Variants in LRRC49 observed in about 807,000 individuals in gnomAD.
The protein encoded by LRRC49 is leucine-rich repeat-containing protein 49.
A neutral mutation model predicts 83.3 loss-of-function variants in LRRC49; 50 were observed. The observed-to-expected ratio is 0.60, with a 90% CI of 0.48 to 0.76. The LOEUF (loss-of-function observed/expected upper bound fraction) is 0.76, where lower values mean the gene tolerates loss of function less well. LRRC49 is among the 30% of genes least tolerant of loss of function. The probability of loss-of-function intolerance (pLI) is 0.00; values close to 1 mark genes in which losing one functional copy is unlikely to be tolerated. For synonymous variants in LRRC49, 286 were observed against 283.3 expected, an observed-to-expected ratio of 1.01 and a Z score of -0.10; for missense variants, 704 against 809.1, an observed-to-expected ratio of 0.87 and a Z score of 1.58.
chr15:70,884,049 G>C (rs892272890), intron 2 of LRRC49, among the ~76,000 whole-genome samples: 17 of 152,196 alleles, frequency 1.1e-4, no homozygotes, highest in African/African-American at 4.1e-4. Context: ...AGGGTACCTA[G>C]AGATTATGTG....
At chr15:70,887,355 C>T (rs1294412025) in intron 2 of LRRC49, among the ~76,000 whole-genome samples, 2 of 152,052 alleles carry the variant, frequency 1.3e-5, no homozygotes, top group Non-Finnish European at 2.9e-5. Context: ...CACACAGATA[C>T]AAAAATCCTA....
Position 70,941,342 on chromosome 15 carries a change from CA to C in LRRC49, c.773+4522del, listed in dbSNP as rs1355384217. Among the ~76,000 whole-genome samples, 4 of 151,954 alleles carry C rather than the reference CA, an allele frequency of 2.6e-5. No homozygotes were observed. In the East Asian group the frequency reaches 7.7e-4, roughly 29 times the overall value. ...TGGTTTTTCATTGTATATCTTATTTCAATACTACTTTATTAAAGTGCTGTTT... is the reference window on the plus strand; with the variant it reads ...TGGTTTTTCATTGTATATCTTATTTCATACTACTTTATTAAAGTGCTGTTT... On this transcript the variant is annotated intron_variant, in intron 8 of 15. Coordinates refer to ENST00000260382, the MANE Select transcript of LRRC49 (RefSeq NM_017691.5).
At chr15:70,923,267 T>C (rs2035072824) in intron 7 of LRRC49, among the ~76,000 whole-genome samples, 1 of 152,016 alleles carries the variant, frequency 6.6e-6, no homozygotes, top group African/African-American at 2.4e-5. Flanking sequence ...GTGTAATTGG[T>C]ACTTTAACGT....
Position 70,900,517 on chromosome 15 carries a change from C to G in LRRC49, c.194-405C>G, listed in dbSNP as rs750573847. 12 of 456,896 alleles carry G rather than the reference C, an allele frequency of 2.6e-5. 1 individual carries two copies. Among genetic ancestry groups the G allele is most frequent in the South Asian group, 1.9e-4 (12 of 64,550 alleles). 28.3% of individuals were successfully genotyped at this position (456,896 alleles called of 1,614,324 possible). A position where few individuals can be genotyped will look rare whatever the true frequency, so the allele number is the denominator to read the frequency against. Reference sequence around the variant, plus strand: ...TCCTTATCAGCATTTGGAGATTCTTCCATTAAGACACCTTCAAAATCCAGA... The same window carrying G: ...TCCTTATCAGCATTTGGAGATTCTTGCATTAAGACACCTTCAAAATCCAGA... On this transcript the variant is annotated intron_variant, in intron 3 of 15. Coordinates refer to ENST00000260382, the MANE Select transcript of LRRC49 (RefSeq NM_017691.5).
intron 7 of LRRC49, among the ~76,000 whole-genome samples, chr15:70,925,505 A>G (rs915386002): frequency 6.6e-6 from 1 of 152,130 alleles, no homozygotes; most frequent in African/African-American, 2.4e-5. Flanking sequence ...GTGTCAAGCA[A>G]TGCAACTGAA....
chr15:70,991,255 GA>G (rs2037869046), intron 11 of LRRC49, among the ~76,000 whole-genome samples: 1 of 152,060 alleles, frequency 6.6e-6, no homozygotes, highest in Admixed American at 6.6e-5. Context: ...CTTCCTCTTA[GA>G]AAAGCATATT....
At chr15:70,991,643 C>T (rs940558591) in intron 11 of LRRC49, among the ~76,000 whole-genome samples, 1 of 152,054 alleles carries the variant, frequency 6.6e-6, no homozygotes, top group Non-Finnish European at 1.5e-5. Context: ...GGATGCAGAA[C>T]CCACTGATAC....
chr15:70,909,877 C>CACACACAA (rs757931756), intron 5 of LRRC49, among the ~76,000 whole-genome samples: 2 of 150,426 alleles, frequency 1.3e-5, no homozygotes, highest in Non-Finnish European at 1.5e-5. Context: ...CACACACACA[C>CACACACAA]AAAACAAACA....
In LRRC49 at chr15:70,970,468, G is replaced by T. The variant is rs563084588; in HGVS notation, c.921+6536G>T. ...TTTTGTTGTTGTTGTGTCTCTGCCA[G>T]GATTTAGTATCAGGATGATGCTGGC... On this transcript the variant is annotated intron_variant, in intron 9 of 15. Transcript: ENST00000260382. Among the ~76,000 whole-genome samples, 20 of 152,294 alleles carry T rather than the reference G, an allele frequency of 1.3e-4. No individual in the cohort carries two copies. The South Asian group carries it at 4.1e-3, about 32-fold the overall frequency.
intron 9 of LRRC49, among the ~76,000 whole-genome samples, chr15:70,965,406 C>T (rs768652792): frequency 6.6e-6 from 1 of 152,036 alleles, no homozygotes; most frequent in Non-Finnish European, 1.5e-5. Context: ...TTGTTCTTTA[C>T]AGCAAAAAGA....
intron 1 of LRRC49, among the ~76,000 whole-genome samples, chr15:70,866,479 A>G (rs1294688469): frequency 6.6e-6 from 1 of 152,130 alleles, no homozygotes; most frequent in Non-Finnish European, 1.5e-5. Context: ...GCTGCAGCCC[A>G]CTGGTAATTT....
intron 11 of LRRC49, among the ~76,000 whole-genome samples, chr15:70,989,371 A>G (rs1042922505): frequency 2.0e-5 from 3 of 151,622 alleles, no homozygotes; most frequent in Non-Finnish European, 4.4e-5. Flanking sequence ...TTCTTGCTTC[A>G]TTTCATTCAT....
intron 1 of LRRC49, among the ~76,000 whole-genome samples, chr15:70,860,700 C>G (rs1475646142): frequency 6.6e-6 from 1 of 152,188 alleles, no homozygotes; most frequent in East Asian, 1.9e-4. Context: ...TAGTTTATTT[C>G]TAACTTCAAT....
At chr15:70,976,553 T>C (rs1487485391) in intron 9 of LRRC49, among the ~76,000 whole-genome samples, 2 of 152,206 alleles carry the variant, frequency 1.3e-5, no homozygotes, top group East Asian at 3.8e-4. Flanking sequence ...TAATATCTGC[T>C]AACAAAGTAT....
chr15:70,999,605 C>T (rs2038192561), intron 11 of LRRC49, among the ~76,000 whole-genome samples: 1 of 152,160 alleles, frequency 6.6e-6, no homozygotes, highest in Non-Finnish European at 1.5e-5. Flanking sequence ...ACCTGAAGAT[C>T]AGCCAGGGGT....
chr15:71,023,295 C>G (rs765757632), intron 14 of LRRC49, among the ~76,000 whole-genome samples: 1 of 151,974 alleles, frequency 6.6e-6, no homozygotes, highest in South Asian at 2.1e-4. Flanking sequence ...AAATGATGTT[C>G]AAAGAGTATT....
chr15:70,884,805 T>C (rs2033362283), intron 2 of LRRC49, among the ~76,000 whole-genome samples: 1 of 152,154 alleles, frequency 6.6e-6, no homozygotes, highest in African/African-American at 2.4e-5. Context: ...ATAACAATAA[T>C]ACATTTTTTA....
At chr15:70,876,264 C>G (rs2033149433) in intron 2 of LRRC49, among the ~76,000 whole-genome samples, 1 of 152,158 alleles carries the variant, frequency 6.6e-6, no homozygotes, top group Non-Finnish European at 1.5e-5. Context: ...TTCTGAAACT[C>G]AACATTCAGT....
chr15:71,013,432 A>C (rs1247451916), intron 14 of LRRC49, among the ~76,000 whole-genome samples: 3 of 152,170 alleles, frequency 2.0e-5, no homozygotes, highest in Non-Finnish European at 2.9e-5. Context: ...AAAAATGAAA[A>C]CTTGTGTTTT....
Sources: gnomAD v4.1 joint callset for allele counts (sites outside exome capture counted in the v4.1 genomes callset) on GRCh38, gnomAD v4.1.1 for gene constraint, MANE v1.5 for transcripts, NCBI Gene and HGNC (gene_info 2026-07-23, HGNC 2026-07-21) for gene names.